The following PWWP2A variants were observed in gnomAD, a reference collection of about 807,000 sequenced individuals.
PWWP2A encodes PWWP domain containing 2A.
Under a neutral mutation model 48.5 loss-of-function variants are expected in PWWP2A, and 18 were observed. That is an observed-to-expected ratio of 0.37 (90% CI 0.26 to 0.55). The LOEUF (loss-of-function observed/expected upper bound fraction) is 0.55. Ranked by LOEUF, PWWP2A falls within the 20% of genes least tolerant of loss-of-function variation. The pLI, the probability that PWWP2A is intolerant of heterozygous loss-of-function variation, is 0.81. For missense variants in PWWP2A, 867 were observed against 976.4 expected (o/e 0.89, Z 1.49); for synonymous variants, 396 against 387.7 (o/e 1.02, Z -0.25).
chr5:160,068,550 G>A (rs1315949156), intron 2 of PWWP2A, among the ~76,000 whole-genome samples: 1 of 152,222 alleles, frequency 6.6e-6, no homozygotes, highest in Non-Finnish European at 1.5e-5. Flanking sequence ...AGTAAGCTGA[G>A]ATCGTGCCAC....
chr5:160,073,738 G>C (rs1753799709), downstream of PWWP2A, among the ~76,000 whole-genome samples: 1 of 152,096 alleles, frequency 6.6e-6, no homozygotes, highest in African/African-American at 2.4e-5. Flanking sequence ...CTACCTTGTT[G>C]GTACCAAAGC....
At chr5:160,113,278 G>GA (rs766386429) in intron 1 of PWWP2A, 1 of 977,534 alleles carries the variant, frequency 1.0e-6, no homozygotes. Context: ...TTTTTTCACA[G>GA]AATGATTCTC....
the PWWP2A span, among the ~76,000 whole-genome samples, chr5:160,056,155 C>T: frequency 3.9e-5 from 6 of 152,208 alleles, no homozygotes; most frequent in Admixed American, 6.5e-5. Context: ...TTATCTACTT[C>T]CCTCAAAGAA....
intron 1 of PWWP2A, among the ~76,000 whole-genome samples, chr5:160,112,599 CTG>C (rs1757705270): frequency 1.3e-5 from 2 of 152,188 alleles, no homozygotes; most frequent in South Asian, 2.1e-4. Flanking sequence ...CTCAAAATTA[CTG>C]TGTCATTTAT....
At chr5:160,049,114 G>T in the PWWP2A span, among the ~76,000 whole-genome samples, 2 of 152,310 alleles carry the variant, frequency 1.3e-5, no homozygotes, top group African/African-American at 4.8e-5. Flanking sequence ...ACCTGTTTTT[G>T]ATAGCCTAAA....
rs1376359362 is a variant in PWWP2A, at chr5:160,092,021, TATATAC to T, written c.*355_*360del. The T allele has an allele frequency of 6.4e-6, 3 of 468,280 alleles. No homozygotes were observed. The highest frequency in any genetic ancestry group is 8.3e-6 in the Non-Finnish European group (3 of 362,510). The allele number at this position is 468,280 out of a possible 1,614,324, so 29.0% of individuals were successfully genotyped here. On this transcript the variant is annotated 3_prime_UTR_variant, in exon 2 of 2. Coordinates refer to ENST00000307063, the MANE Select transcript of PWWP2A (RefSeq NM_001130864.2). The stretch of plus-strand genomic sequence containing the variant: ...GTATATATACATACACGGATATATA[TATATAC>T]ACACACACACACGTATATATATGTA...
downstream of PWWP2A, among the ~76,000 whole-genome samples, chr5:160,089,352 G>A (rs1485573169): frequency 2.0e-5 from 3 of 152,126 alleles, no homozygotes; most frequent in Non-Finnish European, 4.4e-5. Context: ...ATAGGCGTGC[G>A]CCACCATGCC....
the PWWP2A span, among the ~76,000 whole-genome samples, chr5:160,047,127 A>G: frequency 2.7e-4 from 41 of 152,222 alleles, no homozygotes; most frequent in Non-Finnish European, 5.9e-5. Flanking sequence ...AATACATGCC[A>G]TGTGTATGGC....
At chr5:160,106,639 T>C (rs1376972053) in intron 1 of PWWP2A, among the ~76,000 whole-genome samples, 1 of 152,016 alleles carries the variant, frequency 6.6e-6, no homozygotes, top group Non-Finnish European at 1.5e-5. Context: ...CTACATAAAA[T>C]TGGTTCAAGG....
intron 1 of PWWP2A, among the ~76,000 whole-genome samples, chr5:160,110,575 G>A (rs927685521): frequency 6.6e-6 from 1 of 151,792 alleles, no homozygotes; most frequent in Admixed American, 6.6e-5. Context: ...GTGTGGTGGT[G>A]CATGCCTGTA....
chr5:160,058,277 G>A (rs1401743036), downstream of PWWP2A, among the ~76,000 whole-genome samples: 3 of 152,298 alleles, frequency 2.0e-5, no homozygotes, highest in Middle Eastern at 3.4e-3. Flanking sequence ...CACCACATCT[G>A]CAGCAACTTC....
Position 160,091,999 on chromosome 5 carries a change from TATATACATACAC to T in PWWP2A, c.*371_*382del. 2 of 557,612 alleles carry T rather than the reference TATATACATACAC, an allele frequency of 3.6e-6. No individual in the cohort carries two copies. Among genetic ancestry groups the T allele is most frequent in the Non-Finnish European group, 4.5e-6 (2 of 445,840 alleles). The allele number at this position is 557,612 out of a possible 1,614,324, so 34.5% of individuals were successfully genotyped here. The stretch of plus-strand genomic sequence containing the variant: ...GTATATATACATATATATGTGTGTA[TATATACATACAC>T]GGATATATATATATACACACACACA... On this transcript the variant is annotated 3_prime_UTR_variant, in exon 2 of 2. Transcript: ENST00000307063.
chr5:160,052,158 C>T, the PWWP2A span, among the ~76,000 whole-genome samples: 1 of 151,200 alleles, frequency 6.6e-6, no homozygotes, highest in African/African-American at 2.5e-5. Flanking sequence ...GGAGCCTTCC[C>T]CAGATTTTCC....
exon 3 of PWWP2A, chr5:160,080,760 T>C (rs1011881999): frequency 2.6e-6 from 4 of 1,557,700 alleles, no homozygotes; most frequent in African/African-American, 1.4e-5. Flanking sequence ...ATAGCTGCCA[T>C]TTGTTGAGAC....
chr5:160,081,933 G>A (rs1290304139), intron 2 of PWWP2A, among the ~76,000 whole-genome samples: 1 of 152,150 alleles, frequency 6.6e-6, no homozygotes, highest in African/African-American at 2.4e-5. Context: ...AGTATATAAT[G>A]AAAACCTATT....
intron 1 of PWWP2A, among the ~76,000 whole-genome samples, chr5:160,109,765 AAAAAAAAAAATATAT>A (rs1220544657): frequency 1.6e-5 from 1 of 62,572 alleles, no homozygotes. Flanking sequence ...GGGAAAAAAA[AAAAAAAAAAATATAT>A]ATATATATAT....
At chr5:160,056,636 T>C in the PWWP2A span, among the ~76,000 whole-genome samples, 2 of 152,210 alleles carry the variant, frequency 1.3e-5, no homozygotes, top group African/African-American at 4.8e-5. Flanking sequence ...GGTGGGAGGA[T>C]TGCTTGAGCC....
intron 4 of PWWP2A, among the ~76,000 whole-genome samples, chr5:160,065,927 C>T (rs1753594062): frequency 6.6e-6 from 1 of 152,160 alleles, no homozygotes; most frequent in Admixed American, 6.5e-5. Context: ...TTTTTGTGCT[C>T]ATCAGTTGAT....
At chr5:160,049,437 A>T in the PWWP2A span, 1 of 1,296,252 alleles carries the variant, frequency 7.7e-7, no homozygotes, top group Non-Finnish European at 1.0e-6. Flanking sequence ...AGGATGATTG[A>T]TGAAGGAATC....
Sources: gnomAD v4.1 joint callset for allele counts (sites outside exome capture counted in the v4.1 genomes callset) on GRCh38, gnomAD v4.1.1 for gene constraint, MANE v1.5 for transcripts, NCBI Gene and HGNC (gene_info 2026-07-23, HGNC 2026-07-21) for gene names.